STARD13: variants seen among roughly 807,000 people sequenced by gnomAD.
STARD13 encodes the protein stAR-related lipid transfer protein 13.
Under a neutral mutation model 106.4 loss-of-function variants are expected in STARD13, and 62 were observed. That is an observed-to-expected ratio of 0.58 (90% CI 0.48 to 0.72). The LOEUF is 0.72. STARD13 is among the 30% of genes least tolerant of loss of function. The probability of loss-of-function intolerance (pLI) is 0.00; values close to 1 mark genes in which losing one functional copy is unlikely to be tolerated. For synonymous variants in STARD13, 565 were observed against 553.0 expected (o/e 1.02, Z -0.31); for missense variants, 1,387 against 1,424.0 (o/e 0.97, Z 0.42).
Position 33,296,979 on chromosome 13 carries a change from T to G in STARD13, c.124+53311A>C, listed in dbSNP as rs1892521089. On this transcript the variant is annotated intron_variant, in intron 1 of 5. Coordinates refer to the STARD13 transcript ENST00000567873. The stretch of plus-strand genomic sequence containing the variant: ...ATCATGCGTCATTGGTCTTTCTCTG[T>G]CTGGCTGATTGCACTTAGCATAATG... Among the ~76,000 whole-genome samples, 3 of 152,244 alleles carry G rather than the reference T, an allele frequency of 2.0e-5. No individual in the cohort carries two copies. In the South Asian group the frequency reaches 6.2e-4, roughly 32 times the overall value.
intron 3 of STARD13, among the ~76,000 whole-genome samples, chr13:33,149,870 G>T (rs74566747): frequency 0.032 from 4,899 of 152,256 alleles, 267 homozygotes; most frequent in African/African-American, 0.11. Context: ...AAGCCAATCT[G>T]CATTTAGGAC....
chr13:33,332,598 C>A (rs2077849022), intron 1 of STARD13, among the ~76,000 whole-genome samples: 1 of 152,162 alleles, frequency 6.6e-6, no homozygotes, highest in Non-Finnish European at 1.5e-5. Flanking sequence ...GGACTTCCAG[C>A]CTCCAGAACT....
At chr13:33,622,289 A>G in the STARD13 span, among the ~76,000 whole-genome samples, 18 of 152,220 alleles carry the variant, frequency 1.2e-4, no homozygotes, top group African/African-American at 4.3e-4. Flanking sequence ...GTATGAACAT[A>G]GACATAAAAT....
chr13:33,140,397 T>G (rs1879659996), intron 4 of STARD13, among the ~76,000 whole-genome samples: 1 of 152,246 alleles, frequency 6.6e-6, no homozygotes, highest in Non-Finnish European at 1.5e-5. Context: ...CTGACCCTCA[T>G]GCTTCAAATA....
the STARD13 span, among the ~76,000 whole-genome samples, chr13:33,668,362 T>A: frequency 1.3e-5 from 2 of 152,166 alleles, no homozygotes; most frequent in African/African-American, 4.8e-5. Context: ...TTTGAATAAA[T>A]GAAATGATGA....
At chr13:33,651,823 C>T in the STARD13 span, among the ~76,000 whole-genome samples, 1 of 152,204 alleles carries the variant, frequency 6.6e-6, no homozygotes, top group South Asian at 2.1e-4. Context: ...AGTCCTTCCA[C>T]TCTGCTGGCG....
chr13:33,617,165 G>A, the STARD13 span, among the ~76,000 whole-genome samples: 1 of 152,180 alleles, frequency 6.6e-6, no homozygotes. Flanking sequence ...AAACTGCCTG[G>A]GGGCTGAATC....
rs1280952241 is a variant in STARD13 at position 33,265,651 on chromosome 13, T to C, written c.169+19819A>G. On this transcript the variant is annotated intron_variant, in intron 1 of 13. Transcript: ENST00000336934. Reference sequence around the variant, plus strand: ...ATTCAAATCTCCTTGCCACTCATATTAAATTCATTTAATGTTCGTAGTTTA... The same window carrying C: ...ATTCAAATCTCCTTGCCACTCATATCAAATTCATTTAATGTTCGTAGTTTA... Among the ~76,000 whole-genome samples the C allele has an allele frequency of 2.0e-5, 3 of 152,136 alleles. No individual in the cohort carries two copies. The East Asian group carries it at 5.8e-4, about 29-fold the overall frequency.
At chr13:33,628,135 C>A in the STARD13 span, among the ~76,000 whole-genome samples, 3 of 131,454 alleles carry the variant, frequency 2.3e-5, no homozygotes, top group Non-Finnish European at 4.7e-5. Context: ...TTCCTGGACT[C>A]TCTCTCTTGT....
chr13:33,652,391 C>T, the STARD13 span, among the ~76,000 whole-genome samples: 4 of 152,220 alleles, frequency 2.6e-5, no homozygotes, highest in Admixed American at 6.5e-5. Context: ...TTGATGATTG[C>T]ATATGTGATA....
intron 1 of STARD13, among the ~76,000 whole-genome samples, chr13:33,189,898 C>T (rs1034886170): frequency 3.3e-5 from 5 of 151,928 alleles, no homozygotes; most frequent in African/African-American, 4.8e-5. Context: ...CAACTGCAAC[C>T]CACTCTAAGC....
At chr13:33,587,292 T>C in the STARD13 span, among the ~76,000 whole-genome samples, 1 of 152,040 alleles carries the variant, frequency 6.6e-6, no homozygotes, top group Non-Finnish European at 1.5e-5. Context: ...GGAGTCTTCA[T>C]CTGACTATGG....
At chr13:33,629,200 A>G in the STARD13 span, among the ~76,000 whole-genome samples, 1 of 152,230 alleles carries the variant, frequency 6.6e-6, no homozygotes, top group Non-Finnish European at 1.5e-5. Context: ...AGCAGATATT[A>G]CATTTAGAAG....
At chr13:33,437,431 C>G in the STARD13 span, among the ~76,000 whole-genome samples, 2 of 152,136 alleles carry the variant, frequency 1.3e-5, no homozygotes, top group Admixed American at 1.3e-4. Flanking sequence ...CCTTCTTTAA[C>G]TTGGTGTCTG....
chr13:33,316,493 G>T (rs758803474), intron 1 of STARD13, among the ~76,000 whole-genome samples: 1 of 152,120 alleles, frequency 6.6e-6, no homozygotes, highest in Non-Finnish European at 1.5e-5. Flanking sequence ...TAGGTTATTC[G>T]TTATCTATAA....
At chr13:33,561,267 G>T in the STARD13 span, among the ~76,000 whole-genome samples, 1 of 151,284 alleles carries the variant, frequency 6.6e-6, no homozygotes, top group Middle Eastern at 3.4e-3. Flanking sequence ...AAGTCTATAG[G>T]ATTTATTCTA....
the STARD13 span, among the ~76,000 whole-genome samples, chr13:33,390,328 G>A: frequency 1.3e-5 from 2 of 152,250 alleles, no homozygotes; most frequent in Admixed American, 1.3e-4. Context: ...AGTGACATGG[G>A]TCAATTGCCT....
At chr13:33,411,770 T>C in the STARD13 span, among the ~76,000 whole-genome samples, 1 of 152,260 alleles carries the variant, frequency 6.6e-6, no homozygotes, top group Non-Finnish European at 1.5e-5. Flanking sequence ...AATATGCACT[T>C]AAGTTTCCTT....
intron 1 of STARD13, among the ~76,000 whole-genome samples, chr13:33,317,630 C>T (rs1255379195): frequency 1.3e-5 from 2 of 152,064 alleles, no homozygotes; most frequent in South Asian, 4.2e-4. Flanking sequence ...AATATCTTAT[C>T]TATAAGAACC....
Sources: gnomAD v4.1 joint callset for allele counts (sites outside exome capture counted in the v4.1 genomes callset) on GRCh38, gnomAD v4.1.1 for gene constraint, MANE v1.5 for transcripts, NCBI Gene and HGNC (gene_info 2026-07-23, HGNC 2026-07-21) for gene names.